ZFPM1: variants seen among roughly 807,000 people sequenced by gnomAD.
ZFPM1 encodes the protein zinc finger protein ZFPM1.
Under a neutral mutation model 46.3 loss-of-function variants are expected in ZFPM1, and 28 were observed. The ratio of observed to expected loss-of-function variants is 0.60; its 90% confidence interval spans 0.45 to 0.83. The LOEUF is 0.83. Among genes scored for constraint, ZFPM1 ranks in the 40% least tolerant of loss-of-function variants. The pLI is 0.00. For missense variants in ZFPM1, 1,878 were observed against 1,432.4 expected, an observed-to-expected ratio of 1.31 and a Z score of -5.02; for synonymous variants, 957 against 675.9, an observed-to-expected ratio of 1.42 and a Z score of -6.45.
At chr16:88,453,066 A>G (rs1380487590), upstream of ZFPM1, among the ~76,000 whole-genome samples, 2 of 148,918 alleles carry the variant, frequency 1.3e-5, no homozygotes, top group South Asian at 2.1e-4. Flanking sequence ...CCAGCGCCGT[A>G]AAGAGCGAGG....
chr16:88,511,171 C>T (rs1910939440), intron 3 of ZFPM1, among the ~76,000 whole-genome samples: 2 of 152,214 alleles, frequency 1.3e-5, no homozygotes, highest in Admixed American at 6.5e-5. Flanking sequence ...GCCCTCAGAG[C>T]TGTCGGTGCC....
chr16:88,484,002 C>T (rs967832990), intron 1 of ZFPM1, among the ~76,000 whole-genome samples: 2 of 152,192 alleles, frequency 1.3e-5, no homozygotes, highest in East Asian at 1.9e-4. Flanking sequence ...TGGACGCTGG[C>T]GGGTGGCACG....
chr16:88,507,901 C>T (rs72807412), intron 3 of ZFPM1, among the ~76,000 whole-genome samples: 4 of 152,130 alleles, frequency 2.6e-5, no homozygotes, highest in African/African-American at 7.2e-5. Context: ...CGGGGGCCTC[C>T]AGCAGCCACT....
rs186763394 is a variant in ZFPM1 at position 88,507,190 on chromosome 16, T to G, written c.269-7197T>G. Among the ~76,000 whole-genome samples the G allele has an allele frequency of 1.8e-3, 270 of 152,292 alleles. 1 individual carries two copies. The highest frequency in any genetic ancestry group is 2.5e-3 in the South Asian group (12 of 4,828). ...CTGGGCTCGACTCTCCCATGCCACT[T>G]GCTGGCTGTGTAACCTCCGACGTGG... On this transcript the variant is annotated intron_variant, in intron 3 of 9. Transcript: ENST00000319555.
rs565548200 is a variant in ZFPM1, at chr16:88,526,829, C to A, written c.418C>A (p.Leu140Met). Residue 140 changes from leucine (L) to methionine (M), a missense_variant, in exon 5 of 10, where the codon CTG (leucine) becomes ATG (methionine). Leu to Met is a conservative substitution (Grantham distance 15). Transcript: ENST00000319555. ...CCCCCCCCAGAGCCCAGCCCTGACCCTGCTGCTGGTGGACGAGGCCTGCTG... is the reference window on the plus strand; with the variant it reads ...CCCCCCCCAGAGCCCAGCCCTGACCATGCTGCTGGTGGACGAGGCCTGCTG... ...RQAEPSPALTLLLVDEACWLR... is the reference protein window; with the variant it reads ...RQAEPSPALTMLLVDEACWLR... 3 of 1,545,150 alleles carry A rather than the reference C, an allele frequency of 1.9e-6. No homozygotes were observed. The South Asian group carries it at 3.6e-5, about 18-fold the overall frequency.
chr16:88,460,133 G>A (rs1222693594), intron 1 of ZFPM1, among the ~76,000 whole-genome samples: 2 of 152,108 alleles, frequency 1.3e-5, no homozygotes, highest in Non-Finnish European at 2.9e-5. Context: ...GCGAGGAGGG[G>A]CTGAGATGAT....
chr16:88,498,964 C>T (rs553245201), intron 3 of ZFPM1, among the ~76,000 whole-genome samples: 15 of 152,334 alleles, frequency 9.8e-5, no homozygotes, highest in African/African-American at 1.9e-4. Flanking sequence ...GTCCTGCCTG[C>T]ACCACCAGAC....
intron 2 of ZFPM1, among the ~76,000 whole-genome samples, chr16:88,488,141 G>C (rs1909340855): frequency 6.6e-6 from 1 of 152,234 alleles, no homozygotes; most frequent in African/African-American, 2.4e-5. Context: ...ACCGCCGCCA[G>C]CCTTAGTGCC....
chr16:88,507,298 C>G (rs1354254802), intron 3 of ZFPM1, among the ~76,000 whole-genome samples: 2 of 152,188 alleles, frequency 1.3e-5, no homozygotes, highest in African/African-American at 4.8e-5. Flanking sequence ...TGGCCTCACC[C>G]CCTCAGCACC....
At position 88,533,367 on chromosome 16, in the gene ZFPM1, CG is replaced by C; in HGVS notation, c.1411del (p.Glu471ArgfsTer327). On this transcript the variant is annotated frameshift_variant, in exon 10 of 10. Transcript: ENST00000319555. LOFTEE classifies it low-confidence loss of function (END_TRUNC). ...ATCAAGGTGGAGGCGGTGGAGGAGC[CG>C]GAGGCGGCCCCCATCCTGGGCCCCG... ...RSIKVEAVEE[P>X]EAAPILGPGE... 2 of 1,529,706 alleles carry C rather than the reference CG, an allele frequency of 1.3e-6. No homozygotes were observed. Among genetic ancestry groups the C allele is most frequent in the Non-Finnish European group, 8.7e-7 (1 of 1,143,778 alleles). The allele number at this position is 1,529,706 out of a possible 1,614,324, so 94.8% of individuals were successfully genotyped here.
intron 3 of ZFPM1, among the ~76,000 whole-genome samples, chr16:88,494,045 C>T (rs542654670): frequency 2.6e-5 from 4 of 152,284 alleles, no homozygotes; most frequent in African/African-American, 9.6e-5. Context: ...AAGCCACAGC[C>T]GCAGGAAGCC....
At chr16:88,470,873 G>GTGGC (rs1172794482) in intron 1 of ZFPM1, among the ~76,000 whole-genome samples, 1 of 151,954 alleles carries the variant, frequency 6.6e-6, no homozygotes, top group Non-Finnish European at 1.5e-5. Context: ...AGGTGAGGAT[G>GTGGC]TGGCATAGGG....
intron 3 of ZFPM1, chr16:88,489,364 G>A (rs533127297): frequency 5.5e-5 from 41 of 749,674 alleles, no homozygotes; most frequent in Non-Finnish European, 7.5e-5. Context: ...CGGGCCTCAC[G>A]TGGTGTACAA....
At position 88,533,215 on chromosome 16, in the gene ZFPM1, C is replaced by A. The variant is rs1226171986; in HGVS notation, c.1257C>A (p.Gly419=). Residue 419 remains glycine (G), a synonymous_variant, in exon 10 of 10, where the codon GGC becomes GGA. Coordinates refer to ENST00000319555, the MANE Select transcript of ZFPM1 (RefSeq NM_153813.3). ...LQGPLASADL[G]LAPTPSPGLD... ...GCCCCCTGGCCTCCGCGGACCTGGG[C>A]CTGGCGCCCACCCCATCGCCAGGAC... is the stretch of plus-strand genomic sequence containing the variant. 2 of 1,561,240 alleles carry A rather than the reference C, an allele frequency of 1.3e-6. No homozygotes were observed. The highest frequency in any genetic ancestry group is 1.7e-6 in the Non-Finnish European group (2 of 1,161,610).
intron 1 of ZFPM1, among the ~76,000 whole-genome samples, chr16:88,458,396 T>TCAGCCCCGC (rs1469849052): frequency 6.6e-6 from 1 of 152,196 alleles, no homozygotes; most frequent in African/African-American, 2.4e-5. Context: ...GGGACTGCCG[T>TCAGCCCCGC]CAGCCCCGCC....
chr16:88,484,481 C>A (rs954423452), intron 1 of ZFPM1, among the ~76,000 whole-genome samples: 2 of 152,202 alleles, frequency 1.3e-5, no homozygotes. Context: ...CCAGACTTTT[C>A]TTATTCATTA....
chr16:88,532,778 A>G lies in ZFPM1; in HGVS notation c.1043-11A>G. On this transcript the variant is annotated splice_polypyrimidine_tract_variant and intron_variant, in intron 8 of 9. Transcript: ENST00000319555. ...CGCCCTGGGCCTTGACCACCTCGCC[A>G]TGGCCCACAGGTGTCTGCCACAGCT... 6.2e-7 allele frequency: 1 copy of G among 1,613,076 alleles called. No homozygotes were observed. Among genetic ancestry groups the G allele is most frequent in the Non-Finnish European group, 8.5e-7 (1 of 1,179,884 alleles).
intron 4 of ZFPM1, among the ~76,000 whole-genome samples, chr16:88,519,643 G>C (rs1188590520): frequency 7.8e-6 from 1 of 127,778 alleles, no homozygotes; most frequent in Non-Finnish European, 1.7e-5. Context: ...TGGGTGAGTG[G>C]ATGATGGATA....
chr16:88,533,501 C>A lies in ZFPM1; in HGVS notation c.1543C>A (p.Pro515Thr). The part of the protein sequence containing the change: ...SSPTPGSSPV[P>T]GELGLAGALF... The stretch of plus-strand genomic sequence containing the variant: ...CCCCACGCCGGGCTCCAGCCCGGTG[C>A]CCGGCGAGCTGGGCCTGGCCGGGGC... The change falls in exon 10 of 10, where the codon CCC becomes ACC. Residue 515 changes from proline (P) to threonine (T), a missense_variant. Physicochemically the swap from Pro to Thr is conservative, Grantham distance 38 (BLOSUM62 -1). Transcript: ENST00000319555. 1 of 1,403,338 alleles carries A rather than the reference C, an allele frequency of 7.1e-7. No individual in the cohort carries two copies. Among genetic ancestry groups the A allele is most frequent in the Non-Finnish European group, 9.2e-7 (1 of 1,084,180 alleles). The allele number at this position is 1,403,338 out of a possible 1,614,324, so 86.9% of individuals were successfully genotyped here.
Sources: allele counts gnomAD v4.1 joint callset (sites outside exome capture counted in the v4.1 genomes callset), GRCh38; gene constraint gnomAD v4.1.1; transcripts MANE v1.5; gene names NCBI Gene and HGNC (gene_info 2026-07-23, HGNC 2026-07-21).